The following SKIC3 variants were observed in gnomAD, a reference collection of about 807,000 sequenced individuals.
SKIC3 encodes SKI3 subunit of superkiller complex.
the SKIC3 span, chr5:95,537,235 A>T: frequency 9.2e-7 from 1 of 1,085,838 alleles, no homozygotes; most frequent in East Asian, 2.5e-5. Context: ...ACGTTCAATT[A>T]ACTGCAAATG....
At chr5:95,552,915 T>C in the SKIC3 span, among the ~76,000 whole-genome samples, 1 of 152,070 alleles carries the variant, frequency 6.6e-6, no homozygotes, top group African/African-American at 2.4e-5. Context: ...AGGGAGAGAT[T>C]ATCCATGTAA....
At chr5:95,504,028 G>A in the SKIC3 span, 15 of 1,389,288 alleles carry the variant, frequency 1.1e-5, no homozygotes, top group Non-Finnish European at 1.4e-5. Context: ...ACTAAGTTGG[G>A]CCGGACGCGG....
At chr5:95,546,280 A>G in the SKIC3 span, among the ~76,000 whole-genome samples, 1 of 151,608 alleles carries the variant, frequency 6.6e-6, no homozygotes, top group East Asian at 1.9e-4. Flanking sequence ...CAAATGGGCA[A>G]TCACTAGGGC....
the SKIC3 span, among the ~76,000 whole-genome samples, chr5:95,515,484 C>T: frequency 6.6e-6 from 1 of 151,986 alleles, no homozygotes; most frequent in South Asian, 2.1e-4. Context: ...CTGCTTTATA[C>T]TATTTTCTCA....
At chr5:95,530,257 A>G in the SKIC3 span, 2 of 1,611,192 alleles carry the variant, frequency 1.2e-6, no homozygotes, top group Non-Finnish European at 1.7e-6. Context: ...GGTTATTAGT[A>G]TACATATATC....
At chr5:95,496,175 G>A in the SKIC3 span, among the ~76,000 whole-genome samples, 2 of 151,964 alleles carry the variant, frequency 1.3e-5, no homozygotes, top group Non-Finnish European at 2.9e-5. Context: ...GCGCCACCAT[G>A]CCCAGCTAAT....
the SKIC3 span, chr5:95,495,132 A>G: frequency 1.1e-6 from 1 of 914,248 alleles, no homozygotes; most frequent in East Asian, 2.4e-5. Flanking sequence ...GTTTTACCAC[A>G]TTCACAACTC....
the SKIC3 span, among the ~76,000 whole-genome samples, chr5:95,496,754 A>T: frequency 6.6e-6 from 1 of 152,214 alleles, no homozygotes; most frequent in African/African-American, 2.4e-5. Flanking sequence ...AGACTCACAG[A>T]TGTCAAACAA....
chr5:95,523,606 T>C, the SKIC3 span: 1 of 1,584,356 alleles, frequency 6.3e-7, no homozygotes, highest in Non-Finnish European at 8.6e-7. Flanking sequence ...TTTTCATTTA[T>C]ATACTCAGGA....
chr5:95,471,979 G>C, the SKIC3 span, among the ~76,000 whole-genome samples: 1 of 152,184 alleles, frequency 6.6e-6, no homozygotes, highest in Non-Finnish European at 1.5e-5. Context: ...ATGATGCCCT[G>C]TGTAACTGCA....
At chr5:95,546,743 A>T in the SKIC3 span, among the ~76,000 whole-genome samples, 1 of 152,238 alleles carries the variant, frequency 6.6e-6, no homozygotes, top group Non-Finnish European at 1.5e-5. Context: ...AAATAGAAAT[A>T]GAACACTAAC....
the SKIC3 span, chr5:95,543,301 G>C: frequency 3.7e-6 from 6 of 1,613,964 alleles, no homozygotes; most frequent in Non-Finnish European, 5.1e-6. Context: ...AGGCATTATA[G>C]TTATTTTTCT....
the SKIC3 span, chr5:95,541,897 T>C: frequency 1.9e-6 from 3 of 1,611,186 alleles, no homozygotes; most frequent in Non-Finnish European, 2.5e-6. Context: ...TCATACAAGT[T>C]TGCTAACCCC....
chr5:95,547,090 C>T, the SKIC3 span: 1 of 1,613,120 alleles, frequency 6.2e-7, no homozygotes, highest in African/African-American at 1.3e-5. Context: ...TCTTTGTATT[C>T]TTTGTTTCTG....
At chr5:95,483,144 C>T in the SKIC3 span, among the ~76,000 whole-genome samples, 1 of 152,136 alleles carries the variant, frequency 6.6e-6, no homozygotes, top group East Asian at 1.9e-4. Context: ...TCCCCATTTC[C>T]TTAAGCTACT....
chr5:95,540,697 T>C, the SKIC3 span: 2 of 1,614,108 alleles, frequency 1.2e-6, no homozygotes. Flanking sequence ...TACCAATTGC[T>C]GAGTTTCATT....
the SKIC3 span, among the ~76,000 whole-genome samples, chr5:95,490,013 A>C: frequency 1.2e-4 from 19 of 152,208 alleles, no homozygotes; most frequent in Non-Finnish European, 2.5e-4. Context: ...TTAATAACCT[A>C]AAATTAATTC....
the SKIC3 span, chr5:95,528,030 T>C: frequency 6.2e-7 from 1 of 1,613,618 alleles, no homozygotes; most frequent in Non-Finnish European, 8.5e-7. Flanking sequence ...AGCGTACGAA[T>C]TGCTTCCTCT....
the SKIC3 span, among the ~76,000 whole-genome samples, chr5:95,546,668 G>A: frequency 6.6e-6 from 1 of 152,060 alleles, no homozygotes; most frequent in Non-Finnish European, 1.5e-5. Flanking sequence ...TTCTCCCTCT[G>A]AATGGAATCA....
Sources: allele counts gnomAD v4.1 joint callset (sites outside exome capture counted in the v4.1 genomes callset), GRCh38; gene constraint gnomAD v4.1.1; transcripts MANE v1.5; gene names NCBI Gene and HGNC (gene_info 2026-07-23, HGNC 2026-07-21).